Variants in PRKG1 observed in about 807,000 individuals in gnomAD.
PRKG1 encodes the protein cGMP-dependent protein kinase 1.
In PRKG1, 35 loss-of-function variants were observed where a neutral mutation model predicts 88.1. That is an observed-to-expected ratio of 0.40 (90% confidence interval 0.30 to 0.53). PRKG1 has a LOEUF of 0.53. Ranked by LOEUF, PRKG1 falls within the 20% of genes least tolerant of loss-of-function variation. The probability of loss-of-function intolerance (pLI) is 0.59; values close to 1 mark genes in which losing one functional copy is unlikely to be tolerated. For missense variants in PRKG1, 540 were observed against 839.8 expected (o/e 0.64, Z 4.41); for synonymous variants, 303 against 292.5 (o/e 1.04, Z -0.37).
At chr10:51,692,161 A>C (rs759019960) in intron 3 of PRKG1, among the ~76,000 whole-genome samples, 6 of 152,170 alleles carry the variant, frequency 3.9e-5, no homozygotes, top group Non-Finnish European at 7.3e-5. Context: ...CATGAGAACA[A>C]GAGTGATATT....
Position 51,393,037 on chromosome 10 carries a change from G to C in PRKG1, c.479-74686G>C, listed in dbSNP as rs888168119. ...ACTTCCCAGACGGGGTGGTTGCCGG[G>C]CGGAGGGGCTCCTCACTTCTCAGGC... is the stretch of plus-strand genomic sequence containing the variant. On this transcript the variant is annotated intron_variant, in intron 2 of 17. Transcript: ENST00000373980. 6.8e-5 allele frequency among the ~76,000 whole-genome samples: 10 copies of C among 147,248 alleles called. 1 individual carries two copies. Among genetic ancestry groups the C allele is most frequent in the Non-Finnish European group, 1.4e-4 (9 of 65,258 alleles).
intron 5 of PRKG1, among the ~76,000 whole-genome samples, chr10:51,969,897 A>G (rs2447650): frequency 0.56 from 84,924 of 151,592 alleles, 24,919 homozygotes; most frequent in Middle Eastern, 0.64. Flanking sequence ...AGAAAAGTTG[A>G]AAAATTGAAA....
chr10:51,210,500 C>A (rs1372018533), intron 2 of PRKG1, among the ~76,000 whole-genome samples: 1 of 152,130 alleles, frequency 6.6e-6, no homozygotes, highest in Non-Finnish European at 1.5e-5. Flanking sequence ...ACACAAAAAA[C>A]CCTTCAAAAA....
intron 3 of PRKG1, among the ~76,000 whole-genome samples, chr10:51,559,009 C>T (rs915242904): frequency 5.9e-5 from 9 of 151,984 alleles, no homozygotes; most frequent in African/African-American, 1.4e-4. Context: ...ACAGAAGAGA[C>T]GACATTCACA....
chr10:51,159,830 G>A lies in PRKG1; in HGVS notation c.478+6500G>A, dbSNP rs1201626088. Among the ~76,000 whole-genome samples the A allele has an allele frequency of 2.6e-5, 4 of 152,176 alleles. No homozygotes were observed. In the East Asian group the frequency reaches 5.8e-4, roughly 22 times the overall value. ...ACATGGTCACATGGAGGAAAAAAGG[G>A]AAGCATTCTGCATAAATCTAGATGG... On this transcript the variant is annotated intron_variant, in intron 2 of 17. Coordinates refer to ENST00000373980, the MANE Select transcript of PRKG1 (RefSeq NM_006258.4).
At chr10:51,783,036 T>C (rs1031702564) in intron 3 of PRKG1, among the ~76,000 whole-genome samples, 1 of 152,062 alleles carries the variant, frequency 6.6e-6, no homozygotes, top group Admixed American at 6.6e-5. Flanking sequence ...ACATTTAAGT[T>C]TGTGATACAC....
intron 12 of PRKG1, among the ~76,000 whole-genome samples, chr10:52,279,293 A>G (rs1350562283): frequency 3.3e-5 from 5 of 152,208 alleles, no homozygotes; most frequent in African/African-American, 1.2e-4. Context: ...ATATGGATGC[A>G]GTTCTCAAAC....
intron 1 of PRKG1, among the ~76,000 whole-genome samples, chr10:51,128,714 A>G (rs1331197967): frequency 1.3e-5 from 2 of 152,192 alleles, no homozygotes; most frequent in Non-Finnish European, 2.9e-5. Context: ...CCATAGGAAT[A>G]CATTATACAT....
chr10:51,217,988 G>A (rs1192594232), intron 2 of PRKG1, among the ~76,000 whole-genome samples: 2 of 151,830 alleles, frequency 1.3e-5, no homozygotes, highest in African/African-American at 2.4e-5. Flanking sequence ...ATTCACTATG[G>A]CTTCAGCACT....
chr10:51,062,221 C>T (rs994867407), intron 1 of PRKG1, among the ~76,000 whole-genome samples: 3 of 152,208 alleles, frequency 2.0e-5, no homozygotes, highest in Non-Finnish European at 4.4e-5. Context: ...AGTTTAGCCT[C>T]TCTGGAATTC....
At chr10:51,114,982 ATATAT>A (rs776130916) in intron 1 of PRKG1, among the ~76,000 whole-genome samples, 18 of 152,050 alleles carry the variant, frequency 1.2e-4, no homozygotes, top group Non-Finnish European at 2.4e-4. Flanking sequence ...GCAATATCTG[ATATAT>A]TATGTGCAAA....
chr10:51,530,932 G>A (rs1486807662), intron 3 of PRKG1, among the ~76,000 whole-genome samples: 1 of 152,160 alleles, frequency 6.6e-6, no homozygotes. Flanking sequence ...GAAACACAAA[G>A]CCAGAGTGAA....
intron 9 of PRKG1, among the ~76,000 whole-genome samples, chr10:52,198,078 TACAA>T (rs1564512987): frequency 6.6e-6 from 1 of 152,154 alleles, no homozygotes; most frequent in African/African-American, 2.4e-5. Flanking sequence ...GACAGAAAAA[TACAA>T]ACACAATGTT....
intron 3 of PRKG1, among the ~76,000 whole-genome samples, chr10:51,594,528 A>G (rs533346741): frequency 5.3e-4 from 80 of 152,368 alleles, no homozygotes; most frequent in African/African-American, 1.8e-3. Flanking sequence ...AAGGAACATC[A>G]TGTGTGAGCA....
At chr10:51,269,455 G>C (rs564765504) in intron 2 of PRKG1, among the ~76,000 whole-genome samples, 18 of 152,062 alleles carry the variant, frequency 1.2e-4, no homozygotes, top group Non-Finnish European at 2.5e-4. Flanking sequence ...CAGAAGTATG[G>C]AACCAACTTA....
intron 3 of PRKG1, among the ~76,000 whole-genome samples, chr10:51,757,994 CT>C (rs1182124548): frequency 6.6e-6 from 1 of 151,900 alleles, no homozygotes; most frequent in Non-Finnish European, 1.5e-5. Flanking sequence ...GCATTTGTTC[CT>C]TTATATGTAA....
intron 3 of PRKG1, among the ~76,000 whole-genome samples, chr10:51,578,928 G>C (rs1837955848): frequency 7.0e-6 from 1 of 141,904 alleles, no homozygotes; most frequent in East Asian, 2.1e-4. Flanking sequence ...AATTTTACCT[G>C]TGTGTTGCCA....
At chr10:51,316,363 A>G (rs1841317546) in intron 2 of PRKG1, among the ~76,000 whole-genome samples, 1 of 152,234 alleles carries the variant, frequency 6.6e-6, no homozygotes, top group Non-Finnish European at 1.5e-5. Flanking sequence ...AGAGTTCTTA[A>G]ATCATGTAAG....
chr10:51,420,608 A>G (rs542654675), intron 2 of PRKG1, among the ~76,000 whole-genome samples: 2 of 152,304 alleles, frequency 1.3e-5, no homozygotes, highest in South Asian at 4.1e-4. Flanking sequence ...AGATACATTG[A>G]TTTGGCTGAC....
Sources: gnomAD v4.1 joint callset for allele counts (sites outside exome capture counted in the v4.1 genomes callset) on GRCh38, gnomAD v4.1.1 for gene constraint, MANE v1.5 for transcripts, NCBI Gene and HGNC (gene_info 2026-07-23, HGNC 2026-07-21) for gene names.